MTHFD2L: variants seen among roughly 807,000 people sequenced by gnomAD.
MTHFD2L encodes the protein methylenetetrahydrofolate dehydrogenase (NADP+ dependent) 2 like.
A neutral mutation model predicts 34.9 loss-of-function variants in MTHFD2L; 29 were observed. That is an observed-to-expected ratio of 0.83 (90% CI 0.62 to 1.13). The LOEUF (loss-of-function observed/expected upper bound fraction) is 1.13. Ranked by LOEUF, MTHFD2L falls within the 50% of genes most tolerant of loss-of-function variation. MTHFD2L has a pLI of 0.00. For synonymous variants in MTHFD2L, 167 were observed against 155.7 expected (o/e 1.07, Z -0.54); for missense variants, 481 against 446.5 (o/e 1.08, Z -0.70).
intron 7 of MTHFD2L, among the ~76,000 whole-genome samples, chr4:74,291,506 A>G (rs1441734215): frequency 6.6e-6 from 1 of 152,170 alleles, no homozygotes; most frequent in Non-Finnish European, 1.5e-5. Flanking sequence ...CATTAATTCA[A>G]CAACACATAT....
At chr4:74,288,504 C>A (rs185415301) in intron 7 of MTHFD2L, 1 of 152,304 alleles carries the variant, frequency 6.6e-6, no homozygotes, top group Admixed American at 6.5e-5. Context: ...AACTTGAAGA[C>A]TAATCTCTTA....
intron 5 of MTHFD2L, among the ~76,000 whole-genome samples, chr4:74,216,856 A>G (rs1029827786): frequency 4.0e-5 from 6 of 151,860 alleles, no homozygotes; most frequent in Non-Finnish European, 8.8e-5. Context: ...CTCACTTGGA[A>G]CACTGAAATA....
chr4:74,135,845 G>A (rs1049027987), intron 1 of MTHFD2L, among the ~76,000 whole-genome samples: 49 of 151,994 alleles, frequency 3.2e-4, no homozygotes, highest in African/African-American at 4.8e-4. Flanking sequence ...TGTTATACAC[G>A]ACATTAACAG....
At chr4:74,130,827 T>C (rs1560403448) in intron 1 of MTHFD2L, among the ~76,000 whole-genome samples, 1 of 152,156 alleles carries the variant, frequency 6.6e-6, no homozygotes, top group Admixed American at 6.5e-5. Flanking sequence ...TGATTATATA[T>C]TCAGAAAACC....
At chr4:74,144,549 T>A (rs1436069959) in intron 1 of MTHFD2L, among the ~76,000 whole-genome samples, 3 of 152,200 alleles carry the variant, frequency 2.0e-5, no homozygotes, top group African/African-American at 4.8e-5. Context: ...TTTGGTATAG[T>A]TCTCTTTATG....
Position 74,211,135 on chromosome 4 carries a change from C to A in MTHFD2L, c.712+9765C>A, listed in dbSNP as rs151042397. Reference sequence around the variant, plus strand: ...CAATCATGTCATCTGCAAACAGAGACAATATGACTTCCTCTCTCCCTATTT... The same window carrying A: ...CAATCATGTCATCTGCAAACAGAGAAAATATGACTTCCTCTCTCCCTATTT... On this transcript the variant is annotated intron_variant, in intron 5 of 7. Transcript: ENST00000325278. 1.3e-3 allele frequency among the ~76,000 whole-genome samples: 201 copies of A among 152,236 alleles called. 2 individuals are homozygous for A. In the East Asian group the frequency reaches 0.036, roughly 27 times the overall value.
intron 1 of MTHFD2L, among the ~76,000 whole-genome samples, chr4:74,163,125 G>A (rs1725821632): frequency 6.6e-6 from 1 of 151,882 alleles, no homozygotes; most frequent in African/African-American, 2.4e-5. Context: ...AATATCATCA[G>A]TACATGTGAC....
intron 3 of MTHFD2L, among the ~76,000 whole-genome samples, chr4:74,197,297 G>T (rs1733651310): frequency 6.6e-6 from 1 of 152,150 alleles, no homozygotes; most frequent in Non-Finnish European, 1.5e-5. Context: ...CCAAGGGTGA[G>T]ATTTTGGGAG....
At chr4:74,116,336 G>A (rs1270815899) in intron 2 of MTHFD2L, among the ~76,000 whole-genome samples, 7 of 151,974 alleles carry the variant, frequency 4.6e-5, no homozygotes, top group Admixed American at 1.3e-4. Context: ...AACTAAATTC[G>A]AGTACCCTCA....
intron 7 of MTHFD2L, among the ~76,000 whole-genome samples, chr4:74,287,233 A>T (rs2110295430): frequency 6.6e-6 from 1 of 152,334 alleles, no homozygotes; most frequent in Non-Finnish European, 1.5e-5. Context: ...TCAACTATAT[A>T]GTTTGAGGAA....
At chr4:74,282,798 C>T (rs1043142975) in intron 7 of MTHFD2L, among the ~76,000 whole-genome samples, 9 of 152,148 alleles carry the variant, frequency 5.9e-5, no homozygotes, top group African/African-American at 1.9e-4. Context: ...GAACTCTATT[C>T]TAGCAAGGCT....
chr4:74,292,487 A>G (rs1332049471), intron 7 of MTHFD2L, among the ~76,000 whole-genome samples: 1 of 152,040 alleles, frequency 6.6e-6, no homozygotes, highest in East Asian at 1.9e-4. Flanking sequence ...CCCTGCCAAG[A>G]GATTTGGAGA....
intron 3 of MTHFD2L, among the ~76,000 whole-genome samples, chr4:74,187,715 G>A (rs182278241): frequency 6.8e-6 from 1 of 147,670 alleles, no homozygotes; most frequent in Non-Finnish European, 1.5e-5. Context: ...TAGTTTGGCA[G>A]TATCTTAAAA....
At chr4:74,156,372 T>C (rs997086761), upstream of MTHFD2L, 1 of 152,212 alleles carries the variant, frequency 6.6e-6, no homozygotes, top group Non-Finnish European at 1.5e-5. Context: ...CACTTATCAG[T>C]ATGTATTTAA....
chr4:74,231,352 T>C (rs916465332), intron 6 of MTHFD2L, among the ~76,000 whole-genome samples: 2 of 152,062 alleles, frequency 1.3e-5, no homozygotes, highest in Non-Finnish European at 2.9e-5. Flanking sequence ...AACCAGGACA[T>C]GGAGAAGTTC....
chr4:74,122,458 G>A (rs559077100), upstream of MTHFD2L, among the ~76,000 whole-genome samples: 26 of 152,246 alleles, frequency 1.7e-4, no homozygotes, highest in Middle Eastern at 3.4e-3. Flanking sequence ...CCATCCCCAT[G>A]ACTTAATCAC....
At chr4:74,272,617 T>C (rs1746138073) in intron 6 of MTHFD2L, among the ~76,000 whole-genome samples, 1 of 152,174 alleles carries the variant, frequency 6.6e-6, no homozygotes, top group African/African-American at 2.4e-5. Flanking sequence ...TAATGATTGG[T>C]AATACCGGAT....
At chr4:74,176,869 T>A (rs1299741303) in intron 3 of MTHFD2L, among the ~76,000 whole-genome samples, 1 of 152,030 alleles carries the variant, frequency 6.6e-6, no homozygotes, top group East Asian at 1.9e-4. Context: ...AAAGTAAAGC[T>A]ATATAATGCT....
intron 7 of MTHFD2L, among the ~76,000 whole-genome samples, 159 bp from the exon 8 acceptor site, chr4:74,301,532 CGTGTGT>C (rs72168468): frequency 6.8e-5 from 10 of 146,142 alleles, no homozygotes; most frequent in East Asian, 4.0e-4. Flanking sequence ...TGAGTGTGAG[CGTGTGT>C]GTGTGTGTGT....
Sources: gnomAD v4.1 joint callset for allele counts (sites outside exome capture counted in the v4.1 genomes callset) on GRCh38, gnomAD v4.1.1 for gene constraint, MANE v1.5 for transcripts, NCBI Gene and HGNC (gene_info 2026-07-23, HGNC 2026-07-21) for gene names.